Variants in SPACA1 observed in about 807,000 individuals in gnomAD.
SPACA1 encodes the protein sperm acrosome membrane-associated protein 1.
Under a neutral mutation model 32.6 loss-of-function variants are expected in SPACA1, and 17 were observed. The ratio of observed to expected loss-of-function variants is 0.52; its 90% confidence interval spans 0.36 to 0.78. The LOEUF (loss-of-function observed/expected upper bound fraction) is 0.78. SPACA1 is among the 30% of genes least tolerant of loss of function. The probability of loss-of-function intolerance (pLI) is 0.01; values close to 1 mark genes in which losing one functional copy is unlikely to be tolerated. For synonymous variants in SPACA1, 140 were observed against 138.1 expected, an observed-to-expected ratio of 1.01 and a Z score of -0.10; for missense variants, 363 against 373.4, an observed-to-expected ratio of 0.97 and a Z score of 0.23.
chr6:88,048,394 G>C (rs1775676676), intron 1 of SPACA1, among the ~76,000 whole-genome samples: 1 of 152,050 alleles, frequency 6.6e-6, no homozygotes, highest in Non-Finnish European at 1.5e-5. Context: ...TTTTTTTTCA[G>C]GGTGGGAGGT....
intron 5 of SPACA1, among the ~76,000 whole-genome samples, chr6:88,060,992 TTGAA>T (rs1775888850): frequency 6.6e-6 from 1 of 152,226 alleles, no homozygotes; most frequent in East Asian, 1.9e-4. Flanking sequence ...CGTGCACTGA[TTGAA>T]TGACAAAATA....
chr6:88,065,658 A>G (rs1472327221), intron 6 of SPACA1, among the ~76,000 whole-genome samples: 6 of 151,160 alleles, frequency 4.0e-5, no homozygotes, highest in Non-Finnish European at 8.9e-5. Context: ...TTGTTTTCAT[A>G]AAGTTTTCCA....
At chr6:88,064,369 T>A in intron 6 of SPACA1, 150 bp downstream of exon 6, 1 of 638,926 alleles carries the variant, frequency 1.6e-6, no homozygotes, top group Non-Finnish European at 2.4e-6. Flanking sequence ...GTGACTGCCC[T>A]AGTTCAGGCT....
In SPACA1 at chr6:88,047,885, C is replaced by A. The variant is rs971568614; in HGVS notation, c.-21C>A. 7.2e-6 allele frequency: 11 copies of A among 1,517,456 alleles called. No individual in the cohort carries two copies. Among genetic ancestry groups the A allele is most frequent in the Non-Finnish European group, 9.7e-6 (11 of 1,129,722 alleles). 94.0% of individuals were successfully genotyped at this position (1,517,456 alleles called of 1,614,324 possible). A position where few individuals can be genotyped will look rare whatever the true frequency, so the allele number is the denominator to read the frequency against. ...GCCGCGGCGGCGACTGCGCCTCGGA[C>A]GGCCGTCGGGGCCGAGAACCATGAG... On this transcript the variant is annotated 5_prime_UTR_variant, in exon 1 of 7. Transcript: ENST00000237201.
Position 88,057,661 on chromosome 6 carries a change from A to T in SPACA1, c.315A>T (p.Glu105Asp). The change falls in exon 3 of 7, where the codon GAA becomes GAT. Residue 105 changes from glutamate (E) to aspartate (D), a missense_variant. By Grantham distance (45) the Glu-to-Asp change is conservative. Transcript: ENST00000237201. ...VILTNGCPGG[E>D]SKCVVRVEEC... ...TAACAAATGGATGCCCTGGTGGTGA[A>T]TCCAAGTGTGTTGTACGGGTAGAAG... The T allele has an allele frequency of 6.2e-7, 1 of 1,614,132 alleles. No homozygotes were observed. Among genetic ancestry groups the T allele is most frequent in the East Asian group, 2.2e-5 (1 of 44,874 alleles).
chr6:88,065,488 A>G (rs188648169), intron 6 of SPACA1, among the ~76,000 whole-genome samples: 62 of 148,238 alleles, frequency 4.2e-4, no homozygotes, highest in Admixed American at 6.8e-4. Flanking sequence ...ATATTTGCAT[A>G]TATATTATAT....
At chr6:88,060,037 A>G (rs906768435) in intron 5 of SPACA1, among the ~76,000 whole-genome samples, 1 of 152,258 alleles carries the variant, frequency 6.6e-6, no homozygotes, top group Non-Finnish European at 1.5e-5. Context: ...AAGAAATACG[A>G]TGTCAAAGTA....
chr6:88,051,119 C>T (rs1775722009), intron 1 of SPACA1, among the ~76,000 whole-genome samples: 1 of 151,258 alleles, frequency 6.6e-6, no homozygotes, highest in African/African-American at 2.4e-5. Flanking sequence ...TGCACTCCAG[C>T]CTGGGCAACA....
intron 1 of SPACA1, among the ~76,000 whole-genome samples, chr6:88,048,880 C>G (rs1397424022): frequency 2.0e-5 from 3 of 152,220 alleles, no homozygotes; most frequent in Non-Finnish European, 4.4e-5. Flanking sequence ...AGAAGGTCAG[C>G]AGCAGGTTTG....
rs1221932624 is a variant in SPACA1 at position 88,065,439 on chromosome 6, T to C, written c.732-743T>C. ...ACTATATTTACATATATAATATATA[T>C]ACCATATATACTATATGTACACATA... On this transcript the variant is annotated intron_variant, in intron 6 of 6. Coordinates refer to ENST00000237201, the MANE Select transcript of SPACA1 (RefSeq NM_030960.3). 2.7e-5 allele frequency among the ~76,000 whole-genome samples: 4 copies of C among 148,112 alleles called. No homozygotes were observed. In the East Asian group the frequency reaches 7.8e-4, roughly 29 times the overall value.
At chr6:88,059,157 A>G (rs1775853814) in intron 4 of SPACA1, among the ~76,000 whole-genome samples, 1 of 152,226 alleles carries the variant, frequency 6.6e-6, no homozygotes, top group African/African-American at 2.4e-5. Flanking sequence ...AGTGCCAGAC[A>G]TGACACTGAG....
At chr6:88,056,081 C>T (rs768867694) in intron 2 of SPACA1, among the ~76,000 whole-genome samples, 34 of 152,178 alleles carry the variant, frequency 2.2e-4, no homozygotes, top group Middle Eastern at 3.4e-3. Flanking sequence ...TCAGGTTGGC[C>T]GTGGTGGCTC....
intron 4 of SPACA1, 152 bp downstream of exon 4, chr6:88,058,974 A>G: frequency 1.8e-6 from 1 of 558,920 alleles, no homozygotes; most frequent in Non-Finnish European, 3.1e-6. Context: ...GAATTTTAAA[A>G]TTTTCATTAT....
At chr6:88,055,407 T>A (rs1475910700) in intron 2 of SPACA1, among the ~76,000 whole-genome samples, 1 of 152,162 alleles carries the variant, frequency 6.6e-6, no homozygotes, top group Non-Finnish European at 1.5e-5. Flanking sequence ...AAACATGTAA[T>A]GTATCAGATG....
chr6:88,059,698 C>T, intron 5 of SPACA1, 110 bp downstream of exon 5: 1 of 1,108,980 alleles, frequency 9.0e-7, no homozygotes, highest in African/African-American at 1.6e-5. Context: ...CCCAGAGTTT[C>T]TGATTCAGTA....
At chr6:88,047,750 C>T, upstream of SPACA1, 1 of 755,118 alleles carries the variant, frequency 1.3e-6, no homozygotes, top group Non-Finnish European at 2.1e-6. Flanking sequence ...CGCTCAGCAC[C>T]GGAGCAGCGC....
At chr6:88,057,749 C>T (rs767196661) in intron 3 of SPACA1, 36 bp downstream of exon 3, 1 of 1,560,448 alleles carries the variant, frequency 6.4e-7, no homozygotes. Context: ...AGACTGTGGG[C>T]AAGAGTTTAC....
At chr6:88,048,327 G>T (rs1286229364) in intron 1 of SPACA1, among the ~76,000 whole-genome samples, 1 of 152,208 alleles carries the variant, frequency 6.6e-6, no homozygotes, top group Admixed American at 6.5e-5. Context: ...AGATAAGCAC[G>T]TATATAGAAA....
chr6:88,048,698 C>T (rs546990126), intron 1 of SPACA1, among the ~76,000 whole-genome samples: 4 of 152,282 alleles, frequency 2.6e-5, no homozygotes, highest in East Asian at 3.9e-4. Flanking sequence ...TAGAAAACAC[C>T]TGTCAAGGGA....
Sources: allele counts gnomAD v4.1 joint callset (sites outside exome capture counted in the v4.1 genomes callset), GRCh38; gene constraint gnomAD v4.1.1; transcripts MANE v1.5; gene names NCBI Gene and HGNC (gene_info 2026-07-23, HGNC 2026-07-21).